The following CREB1 variants were observed in gnomAD, a reference collection of about 807,000 sequenced individuals.
CREB1 encodes cAMP responsive element binding protein 1, also known as cyclic AMP-responsive element-binding protein 1.
A neutral mutation model predicts 42.0 loss-of-function variants in CREB1; 2 were observed. The observed-to-expected ratio is 0.05, with a 90% confidence interval of 0.02 to 0.15. The LOEUF (loss-of-function observed/expected upper bound fraction) is 0.15, where lower values mean the gene tolerates loss of function less well. CREB1 is among the 10% of genes least tolerant of loss of function. The pLI is 1.00. For missense variants in CREB1, 199 were observed against 388.9 expected, an observed-to-expected ratio of 0.51 and a Z score of 4.11; for synonymous variants, 123 against 139.9, an observed-to-expected ratio of 0.88 and a Z score of 0.85.
intron 7 of CREB1, among the ~76,000 whole-genome samples, chr2:207,583,450 T>C (rs2083291075): frequency 6.6e-6 from 1 of 152,238 alleles, no homozygotes; most frequent in Non-Finnish European, 1.5e-5. Context: ...ATTGATAATA[T>C]GTACCATTGT....
intron 6 of CREB1, chr2:207,576,822 A>G (rs1331262526): frequency 9.9e-7 from 1 of 1,014,618 alleles, no homozygotes; most frequent in Admixed American, 5.6e-5. Context: ...TTATTAGGAG[A>G]GCATATTATT....
chr2:207,577,650 G>A lies in CREB1; in HGVS notation c.834G>A (p.Lys278=), dbSNP rs1391808783. 1 of 1,613,746 alleles carries A rather than the reference G, an allele frequency of 6.2e-7. No individual in the cohort carries two copies. Among genetic ancestry groups the A allele is most frequent in the Non-Finnish European group, 8.5e-7 (1 of 1,179,910 alleles). The part of the protein sequence containing the change: ...AARKREVRLM[K]NREAARECRR... Reference sequence around the variant, plus strand: ...GAAAGAGAGAGGTCCGTCTAATGAAGAACAGGTACAAATACTGCATTTACT... The same window carrying A: ...GAAAGAGAGAGGTCCGTCTAATGAAAAACAGGTACAAATACTGCATTTACT... Residue 278 remains lysine (K), a synonymous_variant, in exon 7 of 8, where the codon AAG becomes AAA. Transcript: ENST00000353267.
At chr2:207,567,948 T>C (rs1405295340) in intron 4 of CREB1, 1 of 153,860 alleles carries the variant, frequency 6.5e-6, no homozygotes, top group African/African-American at 2.4e-5. Flanking sequence ...CAGATAGCTA[T>C]TAATTTAATA....
At chr2:207,537,931 A>C (rs1036188588) in intron 1 of CREB1, among the ~76,000 whole-genome samples, 2 of 152,214 alleles carry the variant, frequency 1.3e-5, no homozygotes, top group Admixed American at 6.5e-5. Context: ...GAATATTTGC[A>C]TATACATACA....
Position 207,560,326 on chromosome 2 carries a change from C to A in CREB1, c.215C>A (p.Ala72Glu), listed in dbSNP as rs765807998. The change falls in exon 3 of 8, where the codon GCG becomes GAG. Residue 72 changes from alanine to glutamate, a missense_variant. Coordinates refer to ENST00000353267, the MANE Select transcript of CREB1 (RefSeq NM_004379.5). ...QTVQVHGVIQ[A>E]AQPSVIQSPQ... ...GTTCAAGTCCATGGAGTCATTCAGG[C>A]GGCCCAGCCATCAGTTATTCAGTCT... The A allele has an allele frequency of 1.9e-6, 3 of 1,613,940 alleles. No homozygotes were observed. The highest frequency in any genetic ancestry group is 2.5e-6 in the Non-Finnish European group (3 of 1,179,872).
chr2:207,599,590 A>G lies in CREB1; in HGVS notation c.*2532A>G, dbSNP rs540057572. ...TGGTTTTGAAGTCAGTTGCTTAATG[A>G]TGAGGTGAGAAATGTATCCTGTTGC... is the stretch of plus-strand genomic sequence containing the variant. On this transcript the variant is annotated 3_prime_UTR_variant, in exon 8 of 8. Transcript: ENST00000353267. The G allele has an allele frequency of 5.0e-6, 1 of 198,232 alleles. No individual in the cohort carries two copies. Among genetic ancestry groups the G allele is most frequent in the Admixed American group, 6.0e-5 (1 of 16,546 alleles). The allele number at this position is 198,232 out of a possible 1,614,324, so 12.3% of individuals were successfully genotyped here.
chr2:207,590,389 TG>T (rs1425530880), intron 7 of CREB1, among the ~76,000 whole-genome samples: 9 of 152,028 alleles, frequency 5.9e-5, no homozygotes, highest in Non-Finnish European at 1.3e-4. Flanking sequence ...TTATCAATTT[TG>T]TTGATTGTTT....
Position 207,605,681 on chromosome 2 carries a change from T to C in CREB1, c.*8623T>C, listed in dbSNP as rs1471999296. Among the ~76,000 whole-genome samples the C allele has an allele frequency of 2.6e-5, 4 of 152,244 alleles. No homozygotes were observed. The highest frequency in any genetic ancestry group is 9.6e-5 in the African/African-American group (4 of 41,470). The stretch of plus-strand genomic sequence containing the variant: ...AAAGGTAGGTACAAACAGTGGTTTA[T>C]AAACTGCTGCCATTGTACAGATACA... On this transcript the variant is annotated 3_prime_UTR_variant, in exon 8 of 8. Transcript: ENST00000353267.
chr2:207,593,503 C>T (rs899541395), intron 7 of CREB1, among the ~76,000 whole-genome samples: 1 of 152,144 alleles, frequency 6.6e-6, no homozygotes, highest in Non-Finnish European at 1.5e-5. Flanking sequence ...GCACTCCAGC[C>T]TGGGCAGCAG....
chr2:207,570,999 A>C (rs2082333250), intron 5 of CREB1, among the ~76,000 whole-genome samples: 1 of 74,732 alleles, frequency 1.3e-5, no homozygotes, highest in African/African-American at 3.7e-5. Context: ...ATTTGTGTGA[A>C]TGGTACTTTT....
At chr2:207,572,186 ACT>A (rs2082391724) in intron 5 of CREB1, among the ~76,000 whole-genome samples, 3 of 148,948 alleles carry the variant, frequency 2.0e-5, no homozygotes, top group Non-Finnish European at 4.4e-5. Flanking sequence ...AGATCACACC[ACT>A]GCACTCCAGC....
At chr2:207,574,122 T>A (rs189388434) in intron 5 of CREB1, among the ~76,000 whole-genome samples, 1 of 152,286 alleles carries the variant, frequency 6.6e-6, no homozygotes, top group African/African-American at 2.4e-5. Flanking sequence ...TCTTCTTACT[T>A]CTTGATGAGG....
chr2:207,534,106 C>G (rs540419128), intron 1 of CREB1, among the ~76,000 whole-genome samples: 75 of 152,342 alleles, frequency 4.9e-4, no homozygotes, highest in Non-Finnish European at 9.8e-4. Flanking sequence ...TTCTTAATAC[C>G]TCACTTTCCT....
chr2:207,554,211 A>G (rs2081626482), intron 1 of CREB1, among the ~76,000 whole-genome samples: 2 of 152,188 alleles, frequency 1.3e-5, no homozygotes, highest in South Asian at 2.1e-4. Context: ...TCCAAACTAT[A>G]TTCATTTCTA....
intron 1 of CREB1, among the ~76,000 whole-genome samples, chr2:207,532,811 G>A (rs1011025609): frequency 1.3e-5 from 2 of 151,818 alleles, no homozygotes; most frequent in Non-Finnish European, 1.5e-5. Context: ...GAGTGCAGTG[G>A]GCTGGTCTCG....
At chr2:207,542,995 T>C (rs1377710172) in intron 1 of CREB1, among the ~76,000 whole-genome samples, 1 of 152,198 alleles carries the variant, frequency 6.6e-6, no homozygotes, top group Non-Finnish European at 1.5e-5. Context: ...CGATGGGGAA[T>C]TGGTTCCAGG....
At chr2:207,591,364 G>T (rs760783818) in intron 7 of CREB1, among the ~76,000 whole-genome samples, 2 of 152,066 alleles carry the variant, frequency 1.3e-5, no homozygotes, top group African/African-American at 4.8e-5. Context: ...CTTTATCCCT[G>T]ACAATATTCC....
chr2:207,576,678 C>T (rs763166821), intron 6 of CREB1: 29 of 1,286,422 alleles, frequency 2.3e-5, no homozygotes, highest in South Asian at 2.6e-5. Context: ...GAATTCTGAA[C>T]GTCAGTTTGA....
chr2:207,543,525 TTCA>T (rs2081179217), intron 1 of CREB1, among the ~76,000 whole-genome samples: 1 of 152,168 alleles, frequency 6.6e-6, no homozygotes, highest in Non-Finnish European at 1.5e-5. Context: ...AGGCGTAGTC[TTCA>T]TCACTCTTGT....
Sources: allele counts gnomAD v4.1 joint callset (sites outside exome capture counted in the v4.1 genomes callset), GRCh38; gene constraint gnomAD v4.1.1; transcripts MANE v1.5; gene names NCBI Gene and HGNC (gene_info 2026-07-23, HGNC 2026-07-21).